Variants in NFE2L3 observed in about 807,000 individuals in gnomAD.
The protein encoded by NFE2L3 is NFE2 like bZIP transcription factor 3.
A neutral mutation model predicts 23.5 loss-of-function variants in NFE2L3; 18 were observed. The observed-to-expected ratio is 0.77, with a 90% CI of 0.53 to 1.13. The LOEUF (loss-of-function observed/expected upper bound fraction) is 1.13. Among genes scored for constraint, NFE2L3 ranks in the 50% most tolerant of loss-of-function variants. The probability of loss-of-function intolerance (pLI) is 0.00; values close to 1 mark genes in which losing one functional copy is unlikely to be tolerated. For synonymous variants in NFE2L3, 424 were observed against 354.5 expected, an observed-to-expected ratio of 1.20 and a Z score of -2.20; for missense variants, 1,152 against 877.2, an observed-to-expected ratio of 1.31 and a Z score of -3.96.
intron 2 of NFE2L3, among the ~76,000 whole-genome samples, chr7:26,179,059 A>C (rs1784462940): frequency 6.6e-6 from 1 of 152,128 alleles, no homozygotes; most frequent in South Asian, 2.1e-4. Context: ...TGAAATCAGA[A>C]AACAGGTTTG....
intron 1 of NFE2L3, among the ~76,000 whole-genome samples, chr7:26,153,577 T>C (rs1784032689): frequency 6.6e-6 from 1 of 152,220 alleles, no homozygotes; most frequent in Non-Finnish European, 1.5e-5. Flanking sequence ...TAAGGAGCCA[T>C]GGTCAGGGTC....
At chr7:26,184,024 A>G in intron 3 of NFE2L3, 1 of 510,472 alleles carries the variant, frequency 2.0e-6, no homozygotes, top group Non-Finnish European at 3.5e-6. Context: ...CAAAAAACTA[A>G]AAGAATTATC....
intron 1 of NFE2L3, among the ~76,000 whole-genome samples, chr7:26,165,504 C>T (rs1784233987): frequency 6.6e-6 from 1 of 152,070 alleles, no homozygotes; most frequent in Admixed American, 6.6e-5. Context: ...TTTTGTATCC[C>T]GAGGCTTTGC....
rs1373494613 is a variant in NFE2L3 at position 26,185,908 on chromosome 7, G to GTT, written c.*126_*127dup. ...TAAGTACTGCTACTTGAATAACTCA[G>GTT]TTAACGCTGTTTTGAAGCTTACATG... On this transcript the variant is annotated 3_prime_UTR_variant, in exon 4 of 4. Transcript: ENST00000056233. The GTT allele has an allele frequency of 2.5e-6, 2 of 805,084 alleles. No individual in the cohort carries two copies. The highest frequency in any genetic ancestry group is 3.8e-6 in the Non-Finnish European group (2 of 527,158). The allele number at this position is 805,084 out of a possible 1,614,324, so 49.9% of individuals were successfully genotyped here.
intron 1 of NFE2L3, among the ~76,000 whole-genome samples, chr7:26,172,265 A>C (rs879897945): frequency 6.6e-6 from 1 of 152,206 alleles, no homozygotes; most frequent in Non-Finnish European, 1.5e-5. Context: ...TTTTAGGTGA[A>C]CCTTTTAGCT....
At chr7:26,179,442 G>A (rs1784467815) in intron 2 of NFE2L3, among the ~76,000 whole-genome samples, 1 of 151,698 alleles carries the variant, frequency 6.6e-6, no homozygotes, top group African/African-American at 2.4e-5. Context: ...CGAGGCTGCA[G>A]TGAGCTGTGA....
intron 1 of NFE2L3, among the ~76,000 whole-genome samples, chr7:26,168,913 T>C (rs1784295426): frequency 6.6e-6 from 1 of 152,118 alleles, no homozygotes; most frequent in Non-Finnish European, 1.5e-5. Flanking sequence ...ATTTCACACA[T>C]CGGGAAACTG....
Position 26,184,922 on chromosome 7 carries a change from TTCTCA to T in NFE2L3, c.1225_1229del (p.Ser409AlafsTer3). On this transcript the variant is annotated frameshift_variant, in exon 4 of 4. Transcript: ENST00000056233. LOFTEE classifies it low-confidence loss of function (END_TRUNC). ...AAGACAACTTTGATCCAATCGATGT[TTCTCA>T]GCTTTTTGATGAACCAGATTCTGAT... The T allele has an allele frequency of 6.2e-7, 1 of 1,613,984 alleles. No homozygotes were observed. The highest frequency in any genetic ancestry group is 1.7e-4 in the Middle Eastern group (1 of 6,054).
intron 2 of NFE2L3, among the ~76,000 whole-genome samples, chr7:26,178,535 T>G (rs1583936826): frequency 6.6e-6 from 1 of 152,200 alleles, no homozygotes; most frequent in East Asian, 1.9e-4. Flanking sequence ...TGATGTCAGC[T>G]AAGGCTTGGG....
intron 1 of NFE2L3, among the ~76,000 whole-genome samples, chr7:26,164,054 CATT>C (rs1784210785): frequency 1.3e-5 from 2 of 152,316 alleles, no homozygotes; most frequent in Middle Eastern, 3.4e-3. Context: ...TCCAGTCTAT[CATT>C]GTTGGACATT....
chr7:26,159,075 C>T (rs1008807549), intron 1 of NFE2L3, among the ~76,000 whole-genome samples: 3 of 152,172 alleles, frequency 2.0e-5, no homozygotes, highest in East Asian at 1.9e-4. Flanking sequence ...CGTCTCTCTG[C>T]GTTTTGTGGG....
chr7:26,185,596 T>C lies in NFE2L3; in HGVS notation c.1898T>C (p.Ile633Thr), dbSNP rs201359371. 1.2e-6 allele frequency: 2 copies of C among 1,613,800 alleles called. No homozygotes were observed. The highest frequency in any genetic ancestry group is 8.5e-7 in the Non-Finnish European group (1 of 1,179,798). The change falls in exon 4 of 4, where the codon ATA becomes ACA. Residue 633 changes from isoleucine to threonine, a missense_variant. Coordinates refer to ENST00000056233, the MANE Select transcript of NFE2L3 (RefSeq NM_004289.7). ...GCACAATGTAACAAAGCTATTAACA[T>C]AATGAAACAGAAACTGCATGACCTT... ...EQAQCNKAIN[I>T]MKQKLHDLYH...
intron 1 of NFE2L3, among the ~76,000 whole-genome samples, chr7:26,171,246 C>A (rs1441332322): frequency 1.3e-5 from 2 of 152,100 alleles, no homozygotes; most frequent in Admixed American, 6.5e-5. Flanking sequence ...CAACTATGCA[C>A]CATTAAGAAG....
In NFE2L3 at chr7:26,152,800, C is replaced by T; in HGVS notation, c.302C>T (p.Pro101Leu). 5 of 1,487,154 alleles carry T rather than the reference C, an allele frequency of 3.4e-6. No homozygotes were observed. The highest frequency in any genetic ancestry group is 3.6e-6 in the Non-Finnish European group (4 of 1,126,398). The allele number at this position is 1,487,154 out of a possible 1,614,324, so 92.1% of individuals were successfully genotyped here. ...CGGGAGGTGCGCGCGCTCGGGGTCC[C>T]CTTCGTCCCTCGCACCAGCGTGGAT... ...LLREVRALGV[P>L]FVPRTSVDAW... Residue 101 changes from proline (P) to leucine (L), a missense_variant, in exon 1 of 4, where the codon CCC becomes CTC. Coordinates refer to ENST00000056233, the MANE Select transcript of NFE2L3 (RefSeq NM_004289.7). The surrounding 1 kb of genome is among the most constrained non-coding windows in gnomAD (Gnocchi z 4.4).
intron 1 of NFE2L3, among the ~76,000 whole-genome samples, chr7:26,160,109 G>C (rs1366189438): frequency 6.6e-6 from 1 of 151,980 alleles, no homozygotes; most frequent in East Asian, 1.9e-4. Context: ...ATGCACCACT[G>C]CACCTGGCTA....
At chr7:26,161,339 T>C (rs1027180353) in intron 1 of NFE2L3, among the ~76,000 whole-genome samples, 18 of 80,388 alleles carry the variant, frequency 2.2e-4, no homozygotes, top group African/African-American at 1.1e-3. Context: ...CTCTCTCTTT[T>C]TTTTTTTTTT....
intron 1 of NFE2L3, among the ~76,000 whole-genome samples, chr7:26,176,098 A>G (rs1454503269): frequency 6.6e-6 from 1 of 151,870 alleles, no homozygotes; most frequent in African/African-American, 2.4e-5. Context: ...TCTGTTTAAC[A>G]AAGCACATCT....
At chr7:26,158,427 C>A (rs1204573306) in intron 1 of NFE2L3, among the ~76,000 whole-genome samples, 3 of 152,184 alleles carry the variant, frequency 2.0e-5, no homozygotes, top group Non-Finnish European at 4.4e-5. Flanking sequence ...CAATCACCAT[C>A]TTCCTTCCAT....
At position 26,185,071 on chromosome 7, in the gene NFE2L3, A is replaced by T. The variant is rs1782445692; in HGVS notation, c.1373A>T (p.His458Leu). Residue 458 changes from histidine to leucine, a missense_variant, in exon 4 of 4, where the codon CAT becomes CTT. Coordinates refer to ENST00000056233, the MANE Select transcript of NFE2L3 (RefSeq NM_004289.7). ...TGCACTGACCATGAATCTAGTTCCC[A>T]TCATGACTTAGAAGGTGCTGTAGGT... ...GYCTDHESSS[H>L]HDLEGAVGGY... The T allele has an allele frequency of 3.1e-6, 5 of 1,613,764 alleles. No individual in the cohort carries two copies. The highest frequency in any genetic ancestry group is 3.4e-6 in the Non-Finnish European group (4 of 1,179,832).
Sources: allele counts gnomAD v4.1 joint callset (sites outside exome capture counted in the v4.1 genomes callset), GRCh38; gene constraint gnomAD v4.1.1; non-coding constraint Gnocchi (gnomAD v3.1); transcripts MANE v1.5; gene names NCBI Gene and HGNC (gene_info 2026-07-23, HGNC 2026-07-21).